EML6: variants seen among roughly 807,000 people sequenced by gnomAD.
EML6 encodes echinoderm microtubule-associated protein-like 6.
A neutral mutation model predicts 240.1 loss-of-function variants in EML6; 154 were observed. The observed-to-expected ratio is 0.64, with a 90% CI of 0.56 to 0.73. EML6 has a LOEUF of 0.73. Among genes scored for constraint, EML6 ranks in the 30% least tolerant of loss-of-function variants. The pLI is 0.00. For synonymous variants in EML6, 1,148 were observed against 899.0 expected (o/e 1.28, Z -4.95); for missense variants, 2,964 against 2,474.6 (o/e 1.20, Z -4.20).
At chr2:54,820,839 CATGTT>C (rs1222926595) in intron 5 of EML6, among the ~76,000 whole-genome samples, 1 of 152,112 alleles carries the variant, frequency 6.6e-6, no homozygotes, top group African/African-American at 2.4e-5. Context: ...AACACTTTGA[CATGTT>C]ATGTTCCCTT....
chr2:54,842,274 C>T (rs1434741743), intron 7 of EML6, among the ~76,000 whole-genome samples: 6 of 152,146 alleles, frequency 3.9e-5, no homozygotes, highest in Admixed American at 3.9e-4. Flanking sequence ...TTTAATTTTG[C>T]AGTAAACAGT....
intron 28 of EML6, among the ~76,000 whole-genome samples, chr2:54,935,864 A>C (rs993138313): frequency 1.3e-5 from 2 of 152,156 alleles, no homozygotes; most frequent in African/African-American, 4.8e-5. Context: ...CTATCTCTAC[A>C]AACAAAATTT....
intron 2 of EML6, among the ~76,000 whole-genome samples, chr2:54,804,791 G>A (rs2567972): frequency 6.6e-6 from 1 of 152,052 alleles, no homozygotes; most frequent in African/African-American, 2.4e-5. Flanking sequence ...GTTCTCTCTG[G>A]TGGTTACTTC....
chr2:54,788,719 T>A lies in EML6; in HGVS notation c.198-24513T>A, dbSNP rs184425015. On this transcript the variant is annotated intron_variant, in intron 2 of 41. Transcript: ENST00000356458. ...ATTGGAAATTCCTGTTGTTTTGGTG[T>A]GAAACGGTGGTGAACACTAATTGGC... Among the ~76,000 whole-genome samples, 12 of 152,358 alleles carry A rather than the reference T, an allele frequency of 7.9e-5. No homozygotes were observed. The East Asian group carries it at 2.3e-3, about 29-fold the overall frequency.
At chr2:54,907,028 C>A (rs1673361617) in intron 24 of EML6, among the ~76,000 whole-genome samples, 1 of 152,192 alleles carries the variant, frequency 6.6e-6, no homozygotes, top group African/African-American at 2.4e-5. Context: ...ATGGCAACTA[C>A]AGGTCCTTGG....
chr2:54,965,962 G>A (rs1412973313), intron 38 of EML6, among the ~76,000 whole-genome samples: 3 of 152,216 alleles, frequency 2.0e-5, no homozygotes, highest in African/African-American at 7.2e-5. Flanking sequence ...TTCTCCCAAA[G>A]TTAGTTCAGC....
At chr2:54,830,361 G>T (rs1378163927) in intron 7 of EML6, among the ~76,000 whole-genome samples, 9 of 152,176 alleles carry the variant, frequency 5.9e-5, no homozygotes, top group African/African-American at 9.7e-5. Context: ...ACATGGTACT[G>T]TGAGCCATGG....
At chr2:54,727,523 T>G (rs1043265102) in intron 2 of EML6, among the ~76,000 whole-genome samples, 3 of 152,212 alleles carry the variant, frequency 2.0e-5, no homozygotes, top group African/African-American at 7.2e-5. Context: ...AATGCACAAT[T>G]TTTTGTCCTT....
intron 28 of EML6, among the ~76,000 whole-genome samples, chr2:54,941,881 G>T (rs1458413537): frequency 6.6e-6 from 1 of 152,222 alleles, no homozygotes; most frequent in Non-Finnish European, 1.5e-5. Context: ...GCAGCGAGCA[G>T]GTAGAAATGC....
At chr2:54,966,535 C>T (rs1442169399) in intron 38 of EML6, among the ~76,000 whole-genome samples, 1 of 152,226 alleles carries the variant, frequency 6.6e-6, no homozygotes, top group East Asian at 1.9e-4. Flanking sequence ...GTGTCACCCA[C>T]TGTCCATGAG....
intron 2 of EML6, among the ~76,000 whole-genome samples, chr2:54,801,115 T>C (rs1040421380): frequency 2.0e-5 from 3 of 151,888 alleles, no homozygotes; most frequent in Admixed American, 6.6e-5. Flanking sequence ...GGTCAGGAGA[T>C]TGAGACCATC....
chr2:54,845,144 T>G (rs1477671190), intron 8 of EML6, among the ~76,000 whole-genome samples: 1 of 152,194 alleles, frequency 6.6e-6, no homozygotes, highest in African/African-American at 2.4e-5. Flanking sequence ...CAAAATACAA[T>G]TAGTGTAGTC....
chr2:54,791,822 A>G (rs954821504), intron 2 of EML6, among the ~76,000 whole-genome samples: 1 of 152,206 alleles, frequency 6.6e-6, no homozygotes, highest in African/African-American at 2.4e-5. Flanking sequence ...GTGCTCTTGG[A>G]CAAGTCATTT....
At chr2:54,924,966 C>G (rs930230151) in intron 26 of EML6, among the ~76,000 whole-genome samples, 1 of 152,190 alleles carries the variant, frequency 6.6e-6, no homozygotes, top group African/African-American at 2.4e-5. Flanking sequence ...ACTTGTCTAA[C>G]TGCTATCACT....
intron 2 of EML6, among the ~76,000 whole-genome samples, chr2:54,775,544 A>G (rs550130575): frequency 6.6e-6 from 1 of 152,100 alleles, no homozygotes; most frequent in Non-Finnish European, 1.5e-5. Context: ...GTCACCCTTT[A>G]TCTCTCTCAC....
chr2:54,914,786 AT>A (rs71408801), intron 25 of EML6, among the ~76,000 whole-genome samples: 24,324 of 150,176 alleles, frequency 0.16, 2,254 homozygotes, highest in South Asian at 0.37. Context: ...CAAAGAAGCA[AT>A]TTTTTTTTTT....
At chr2:54,745,327 A>T (rs1158228414) in intron 2 of EML6, among the ~76,000 whole-genome samples, 1 of 152,176 alleles carries the variant, frequency 6.6e-6, no homozygotes, top group African/African-American at 2.4e-5. Context: ...AGGTGGTTGG[A>T]TGGAGATCCA....
rs144113911 is a variant in EML6, at chr2:54,797,476, G to A, written c.198-15756G>A. 4.6e-3 allele frequency among the ~76,000 whole-genome samples: 697 copies of A among 152,200 alleles called. 3 individuals are homozygous for A. Among genetic ancestry groups the A allele is most frequent in the Non-Finnish European group, 6.2e-3 (423 of 68,020 alleles). ...ATGATTTCATACACAGGTATATATC[G>A]GATGGAGGGTTTGGTTTCAGACCAC... On this transcript the variant is annotated intron_variant, in intron 2 of 41. Transcript: ENST00000356458.
At chr2:54,790,894 T>TA (rs1430329325) in intron 2 of EML6, among the ~76,000 whole-genome samples, 1 of 151,104 alleles carries the variant, frequency 6.6e-6, no homozygotes, top group African/African-American at 2.4e-5. Context: ...CCCAGCTAAT[T>TA]TTTTGTATTT....
Sources: allele counts gnomAD v4.1 joint callset (sites outside exome capture counted in the v4.1 genomes callset), GRCh38; gene constraint gnomAD v4.1.1; transcripts MANE v1.5; gene names NCBI Gene and HGNC (gene_info 2026-07-23, HGNC 2026-07-21).